Variants in RGS17 observed in about 807,000 individuals in gnomAD.
RGS17 encodes regulator of G-protein signaling 17.
A neutral mutation model predicts 25.5 loss-of-function variants in RGS17; 12 were observed. The ratio of observed to expected loss-of-function variants is 0.47; its 90% CI spans 0.30 to 0.76. The LOEUF is 0.76. RGS17 is among the 30% of genes least tolerant of loss of function. The pLI, the probability that RGS17 is intolerant of heterozygous loss-of-function variation, is 0.07. For missense variants in RGS17, 196 were observed against 242.2 expected, an observed-to-expected ratio of 0.81 and a Z score of 1.27; for synonymous variants, 71 against 76.9, an observed-to-expected ratio of 0.92 and a Z score of 0.40.
chr6:153,126,768 T>TAG (rs1455413037), intron 1 of RGS17, among the ~76,000 whole-genome samples: 3 of 152,160 alleles, frequency 2.0e-5, no homozygotes, highest in African/African-American at 7.2e-5. Context: ...GAAACTGCAA[T>TAG]AGAGATACGC....
chr6:153,064,486 C>T (rs1051864818), intron 1 of RGS17, among the ~76,000 whole-genome samples: 3 of 151,764 alleles, frequency 2.0e-5, no homozygotes, highest in African/African-American at 4.8e-5. Context: ...AAAAATTAGC[C>T]GGGTGTGGTG....
At chr6:153,121,660 T>G (rs12204238) in intron 1 of RGS17, among the ~76,000 whole-genome samples, 16,930 of 152,250 alleles carry the variant, frequency 0.11, 1,026 homozygotes, top group East Asian at 0.18. Flanking sequence ...TTCACTGCTG[T>G]TATTTTGAAA....
chr6:153,086,219 TACTC>T (rs1777050873), intron 1 of RGS17, among the ~76,000 whole-genome samples: 1 of 152,224 alleles, frequency 6.6e-6, no homozygotes, highest in Non-Finnish European at 1.5e-5. Flanking sequence ...TGATTCATCA[TACTC>T]AATATGAATT....
chr6:153,085,329 C>T (rs1396454561), intron 1 of RGS17, among the ~76,000 whole-genome samples: 2 of 152,162 alleles, frequency 1.3e-5, no homozygotes, highest in Admixed American at 1.3e-4. Context: ...ACCACATCCT[C>T]CTCACGCAGA....
At chr6:153,090,471 T>C (rs1182572585) in intron 1 of RGS17, among the ~76,000 whole-genome samples, 3 of 130,856 alleles carry the variant, frequency 2.3e-5, no homozygotes, top group African/African-American at 9.0e-5. Flanking sequence ...AAAAAAAAAG[T>C]AGCCAGCCGT....
At chr6:153,038,363 G>C (rs1302801797) in intron 2 of RGS17, among the ~76,000 whole-genome samples, 2 of 152,176 alleles carry the variant, frequency 1.3e-5, no homozygotes, top group Non-Finnish European at 2.9e-5. Flanking sequence ...CATTTTGATA[G>C]ATGTCTTTTG....
At chr6:153,053,877 T>A (rs1776495487) in intron 1 of RGS17, among the ~76,000 whole-genome samples, 1 of 143,990 alleles carries the variant, frequency 6.9e-6, no homozygotes, top group African/African-American at 2.6e-5. Flanking sequence ...TTTATACTTA[T>A]CTATATTTTC....
At chr6:153,103,095 C>T (rs765920429) in intron 1 of RGS17, among the ~76,000 whole-genome samples, 3 of 152,184 alleles carry the variant, frequency 2.0e-5, no homozygotes, top group Admixed American at 6.5e-5. Flanking sequence ...CAGCACTCTT[C>T]AGTTATTCTT....
intron 4 of RGS17, among the ~76,000 whole-genome samples, chr6:153,015,666 G>GTT (rs1162756201): frequency 2.1e-5 from 3 of 142,512 alleles, no homozygotes; most frequent in African/African-American, 2.6e-5. Flanking sequence ...TCTTTTTTTT[G>GTT]TTTTTTTTTT....
chr6:153,096,334 C>T (rs566191969), intron 1 of RGS17, among the ~76,000 whole-genome samples: 1 of 152,318 alleles, frequency 6.6e-6, no homozygotes, highest in East Asian at 1.9e-4. Flanking sequence ...TGTTATTTAG[C>T]CTCTCTGGGC....
intron 3 of RGS17, among the ~76,000 whole-genome samples, 188 bp downstream of exon 3, chr6:153,026,266 A>T (rs1396067244): frequency 6.6e-6 from 1 of 152,234 alleles, no homozygotes; most frequent in Non-Finnish European, 1.5e-5. Flanking sequence ...ATAACTTAAC[A>T]TAGCTAATAG....
intron 2 of RGS17, among the ~76,000 whole-genome samples, chr6:153,028,736 CTATG>C (rs1779329989): frequency 6.6e-6 from 1 of 152,166 alleles, no homozygotes; most frequent in Non-Finnish European, 1.5e-5. Context: ...TATTGAGCTT[CTATG>C]TGTGTGTGCA....
intron 1 of RGS17, among the ~76,000 whole-genome samples, chr6:153,080,600 T>C (rs558827273): frequency 7.9e-5 from 12 of 152,272 alleles, no homozygotes; most frequent in African/African-American, 2.9e-4. Context: ...TGCCTGATTT[T>C]CATGATTTCT....
chr6:153,035,999 A>C lies in RGS17; in HGVS notation c.119+7901T>G, dbSNP rs1277094133. ...TATTGGACTTCTCTGGTGTATCTGCAACCTCAGACTTCCCTTTGTGAAACT... is the reference window on the plus strand; with the variant it reads ...TATTGGACTTCTCTGGTGTATCTGCCACCTCAGACTTCCCTTTGTGAAACT... On this transcript the variant is annotated intron_variant, in intron 2 of 4. Coordinates refer to ENST00000206262, the MANE Select transcript of RGS17 (RefSeq NM_012419.5). Among the ~76,000 whole-genome samples the C allele has an allele frequency of 5.3e-5, 8 of 152,290 alleles. No individual in the cohort carries two copies. In the East Asian group the frequency reaches 9.7e-4, roughly 18 times the overall value.
intron 1 of RGS17, among the ~76,000 whole-genome samples, chr6:153,066,769 C>T (rs1002980917): frequency 6.6e-5 from 10 of 152,018 alleles, no homozygotes; most frequent in Non-Finnish European, 1.0e-4. Context: ...CAGCTGGGCG[C>T]GGTGGCTCAC....
chr6:153,008,320 T>G lies in RGS17; in HGVS notation c.*3254A>C, dbSNP rs1779098413. ...GAACTGGTCATTCTATGTACATATT[T>G]TAAGATTTCAAAAAAAAAAAACATC... On this transcript the variant is annotated 3_prime_UTR_variant, in exon 5 of 5. Transcript: ENST00000206262. 5.7e-5 allele frequency: 5 copies of G among 88,294 alleles called. No individual in the cohort carries two copies. The allele number at this position is 88,294 out of a possible 1,614,324, so 5.5% of individuals were successfully genotyped here.
intron 1 of RGS17, among the ~76,000 whole-genome samples, chr6:153,084,204 A>C (rs1777022043): frequency 1.3e-5 from 2 of 152,202 alleles, no homozygotes; most frequent in African/African-American, 4.8e-5. Context: ...TTATCAATGC[A>C]GAACAGAAGT....
chr6:153,104,035 C>A (rs1777344223), intron 1 of RGS17, among the ~76,000 whole-genome samples: 1 of 152,152 alleles, frequency 6.6e-6, no homozygotes, highest in South Asian at 2.1e-4. Context: ...AAACATGACA[C>A]ATTACTCATT....
chr6:153,096,464 T>C (rs1015485387), intron 1 of RGS17, among the ~76,000 whole-genome samples: 14 of 152,196 alleles, frequency 9.2e-5, no homozygotes, highest in African/African-American at 3.1e-4. Flanking sequence ...TGGCTGCAGA[T>C]TGGAGATTCT....
Sources: allele counts gnomAD v4.1 joint callset (sites outside exome capture counted in the v4.1 genomes callset), GRCh38; gene constraint gnomAD v4.1.1; transcripts MANE v1.5; gene names NCBI Gene and HGNC (gene_info 2026-07-23, HGNC 2026-07-21).